GALNT13: variants seen among roughly 807,000 people sequenced by gnomAD.
GALNT13 encodes polypeptide N-acetylgalactosaminyltransferase 13.
A neutral mutation model predicts 64.2 loss-of-function variants in GALNT13; 28 were observed. The observed-to-expected ratio is 0.44, with a 90% CI of 0.32 to 0.60. GALNT13 has a LOEUF of 0.60. GALNT13 is among the 20% of genes least tolerant of loss of function. The pLI is 0.05. For synonymous variants in GALNT13, 214 were observed against 224.6 expected (o/e 0.95, Z 0.42); for missense variants, 577 against 669.8 (o/e 0.86, Z 1.53).
the GALNT13 span, among the ~76,000 whole-genome samples, chr2:153,731,983 T>A: frequency 6.6e-6 from 1 of 152,000 alleles, no homozygotes; most frequent in Non-Finnish European, 1.5e-5. Context: ...CATGTGTTGC[T>A]TTTTTGAAAT....
At chr2:153,677,494 T>C in the GALNT13 span, among the ~76,000 whole-genome samples, 1 of 152,050 alleles carries the variant, frequency 6.6e-6, no homozygotes, top group African/African-American at 2.4e-5. Context: ...AAGCAATTTA[T>C]AGATTCAGTG....
chr2:153,225,831 T>A, the GALNT13 span, among the ~76,000 whole-genome samples: 1 of 152,314 alleles, frequency 6.6e-6, no homozygotes, highest in African/African-American at 2.4e-5. Flanking sequence ...AAGATCTAAA[T>A]GAATGGTATT....
intron 8 of GALNT13, among the ~76,000 whole-genome samples, chr2:154,282,043 A>G (rs1691989473): frequency 6.6e-6 from 1 of 152,192 alleles, no homozygotes; most frequent in African/African-American, 2.4e-5. Flanking sequence ...AAGGGAAAAT[A>G]CTTGATAATT....
intron 4 of GALNT13, among the ~76,000 whole-genome samples, chr2:154,140,839 A>G (rs1161359158): frequency 1.3e-5 from 2 of 152,154 alleles, no homozygotes; most frequent in Non-Finnish European, 1.5e-5. Context: ...TTACAGTCGT[A>G]TATTGCTTAA....
At chr2:154,291,031 G>A (rs1050672289) in intron 8 of GALNT13, among the ~76,000 whole-genome samples, 5 of 152,114 alleles carry the variant, frequency 3.3e-5, no homozygotes, top group African/African-American at 9.7e-5. Context: ...GACCCAAAGA[G>A]TGAGCAGCAG....
At chr2:153,746,950 T>C in the GALNT13 span, among the ~76,000 whole-genome samples, 1 of 152,198 alleles carries the variant, frequency 6.6e-6, no homozygotes, top group African/African-American at 2.4e-5. Context: ...TATTGTTTTT[T>C]AAAATTGATT....
intron 9 of GALNT13, among the ~76,000 whole-genome samples, chr2:154,376,331 A>G (rs981464955): frequency 6.6e-6 from 1 of 152,136 alleles, no homozygotes; most frequent in African/African-American, 2.4e-5. Flanking sequence ...AATATATTGC[A>G]TTATATAGTC....
chr2:153,616,587 TTTCTC>T, the GALNT13 span, among the ~76,000 whole-genome samples: 1 of 151,950 alleles, frequency 6.6e-6, no homozygotes, highest in African/African-American at 2.4e-5. Context: ...TTTTTTTTGT[TTTCTC>T]TTCAGTTTCT....
intron 8 of GALNT13, among the ~76,000 whole-genome samples, chr2:154,297,305 T>G (rs1375905103): frequency 6.6e-6 from 1 of 152,166 alleles, no homozygotes; most frequent in African/African-American, 2.4e-5. Flanking sequence ...TAAGAGATGC[T>G]GGTGATTAGG....
intron 1 of GALNT13, among the ~76,000 whole-genome samples, chr2:153,893,512 G>A (rs896456154): frequency 1.8e-4 from 28 of 152,094 alleles, no homozygotes; most frequent in African/African-American, 6.5e-4. Flanking sequence ...ACGTAACAAT[G>A]TTAACATTTC....
the GALNT13 span, chr2:153,159,767 A>C: frequency 3.3e-5 from 5 of 152,250 alleles, no homozygotes; most frequent in African/African-American, 1.2e-4. Context: ...AGACAGCTAA[A>C]AACCCTTGAC....
intron 9 of GALNT13, among the ~76,000 whole-genome samples, chr2:154,320,083 T>C (rs745631092): frequency 2.0e-4 from 31 of 152,100 alleles, no homozygotes; most frequent in Non-Finnish European, 4.3e-4. Flanking sequence ...TTTCTATGGA[T>C]ACTGTGGATC....
At chr2:154,347,152 G>A (rs929025864) in intron 9 of GALNT13, among the ~76,000 whole-genome samples, 1 of 152,058 alleles carries the variant, frequency 6.6e-6, no homozygotes, top group Admixed American at 6.6e-5. Flanking sequence ...AGTAATTAAT[G>A]CTATTATTTA....
the GALNT13 span, among the ~76,000 whole-genome samples, chr2:153,767,493 A>G: frequency 1.3e-5 from 2 of 152,088 alleles, no homozygotes; most frequent in Non-Finnish European, 2.9e-5. Context: ...GTCAAATAGG[A>G]GTTATATTTT....
intron 9 of GALNT13, among the ~76,000 whole-genome samples, chr2:154,305,669 T>G (rs1343084602): frequency 6.6e-6 from 1 of 152,182 alleles, no homozygotes; most frequent in African/African-American, 2.4e-5. Context: ...ATAACTTACT[T>G]ACTTTCAATA....
At chr2:154,094,411 C>A (rs937211260) in intron 3 of GALNT13, among the ~76,000 whole-genome samples, 1 of 152,014 alleles carries the variant, frequency 6.6e-6, no homozygotes, top group Admixed American at 6.6e-5. Context: ...CTTATGGTTA[C>A]TAAGGCACTC....
the GALNT13 span, among the ~76,000 whole-genome samples, chr2:153,302,722 A>T: frequency 6.6e-6 from 1 of 152,062 alleles, no homozygotes; most frequent in Non-Finnish European, 1.5e-5. Flanking sequence ...TTTTGAGTTG[A>T]TTTTTTTGTA....
chr2:153,752,702 T>G, the GALNT13 span, among the ~76,000 whole-genome samples: 1 of 152,270 alleles, frequency 6.6e-6, no homozygotes, highest in Admixed American at 6.5e-5. Flanking sequence ...GGGAGTTTGA[T>G]TATTAAATAC....
chr2:154,307,232 T>C (rs1693788659), intron 9 of GALNT13, among the ~76,000 whole-genome samples: 1 of 152,132 alleles, frequency 6.6e-6, no homozygotes, highest in Admixed American at 6.5e-5. Context: ...AGGTACACAC[T>C]GTAATATAAT....
Sources: allele counts gnomAD v4.1 joint callset (sites outside exome capture counted in the v4.1 genomes callset), GRCh38; gene constraint gnomAD v4.1.1; transcripts MANE v1.5; gene names NCBI Gene and HGNC (gene_info 2026-07-23, HGNC 2026-07-21).